Variants in GTF3C4 observed in about 807,000 individuals in gnomAD.
GTF3C4 encodes the protein general transcription factor IIIC subunit 4.
A neutral mutation model predicts 67.5 loss-of-function variants in GTF3C4; 28 were observed. The observed-to-expected ratio is 0.41, with a 90% CI of 0.31 to 0.57. The LOEUF is 0.57. GTF3C4 is among the 20% of genes least tolerant of loss of function. GTF3C4 has a pLI of 0.21. For missense variants in GTF3C4, 831 were observed against 1,033.2 expected (o/e 0.80, Z 2.68); for synonymous variants, 409 against 393.0 (o/e 1.04, Z -0.48).
At chr9:132,672,247 A>G (rs1418769305) in intron 1 of GTF3C4, among the ~76,000 whole-genome samples, 3 of 152,236 alleles carry the variant, frequency 2.0e-5, no homozygotes, top group Admixed American at 2.0e-4. Flanking sequence ...ACTGTTTCCA[A>G]GGATGTTCAT....
chr9:132,675,013 C>G (rs1564354379), intron 1 of GTF3C4, among the ~76,000 whole-genome samples: 2 of 151,870 alleles, frequency 1.3e-5, no homozygotes, highest in African/African-American at 4.8e-5. Flanking sequence ...GCCAGGGTGA[C>G]AGAGAGGAAT....
At chr9:132,676,336 T>A (rs2130895357) in intron 1 of GTF3C4, among the ~76,000 whole-genome samples, 1 of 151,220 alleles carries the variant, frequency 6.6e-6, no homozygotes, top group South Asian at 2.1e-4. Flanking sequence ...TTTTTTTTTT[T>A]TTTGCAAAGC....
chr9:132,682,516 T>C (rs1023261407), intron 2 of GTF3C4, among the ~76,000 whole-genome samples: 2 of 141,310 alleles, frequency 1.4e-5, no homozygotes, highest in African/African-American at 5.7e-5. Flanking sequence ...CCAAATTACA[T>C]ATCCAGTGAA....
intron 2 of GTF3C4, among the ~76,000 whole-genome samples, chr9:132,681,200 T>C (rs1421025665): frequency 4.6e-5 from 7 of 152,238 alleles, no homozygotes; most frequent in African/African-American, 1.7e-4. Context: ...TTAGGTTTAT[T>C]ATAAGAGTCA....
At chr9:132,670,998 C>A (rs1195987560) in intron 1 of GTF3C4, 43 bp downstream of exon 1, 2 of 1,346,784 alleles carry the variant, frequency 1.5e-6, no homozygotes. Flanking sequence ...CCCTGTCCCC[C>A]TCTCGCGGCC....
In GTF3C4 at chr9:132,692,001, T is replaced by G. The variant is rs2772006; in HGVS notation, c.*3056T>G. 72,572 of 152,086 alleles carry G rather than the reference T, an allele frequency of 0.48. 18,060 individuals carry two copies. The highest frequency in any genetic ancestry group is 0.61 in the African/African-American group (25,428 of 41,490). The allele number at this position is 152,086 out of a possible 1,614,324, so 9.4% of individuals were successfully genotyped here. On this transcript the variant is annotated 3_prime_UTR_variant, in exon 5 of 5. Transcript: ENST00000372146. ...GATGCTTATTGGTGCTTAAGAGAAT[T>G]ACAATACTGGTTTTATGAGCATCTT...
upstream of GTF3C4, chr9:132,670,428 G>A: frequency 2.0e-6 from 2 of 991,518 alleles, no homozygotes; most frequent in African/African-American, 1.7e-5. Context: ...TTGGCCACCT[G>A]GTAGGGCCGC....
At position 132,694,060 on chromosome 9, in the gene GTF3C4, CT is replaced by C. The variant is rs1836159425; in HGVS notation, c.*5120del. 6.6e-6 allele frequency: 1 copy of C among 151,636 alleles called. No homozygotes were observed. The highest frequency in any genetic ancestry group is 1.5e-5 in the Non-Finnish European group (1 of 67,946). 9.4% of individuals were successfully genotyped at this position (151,636 alleles called of 1,614,324 possible). A position where few individuals can be genotyped will look rare whatever the true frequency, so the allele number is the denominator to read the frequency against. On this transcript the variant is annotated 3_prime_UTR_variant, in exon 5 of 5. Coordinates refer to ENST00000372146, the MANE Select transcript of GTF3C4 (RefSeq NM_012204.4). Reference sequence around the variant, plus strand: ...AACATAAGGTTTTGGAAAGGAGATGCTTTTTCAATTCTTACCATCTGATTAG... The same window carrying C: ...AACATAAGGTTTTGGAAAGGAGATGCTTTTCAATTCTTACCATCTGATTAG...
At chr9:132,670,380 C>A (rs1374402785), upstream of GTF3C4, 9 of 1,211,126 alleles carry the variant, frequency 7.4e-6, no homozygotes, top group African/African-American at 9.7e-5. Flanking sequence ...GTCCTCGGGG[C>A]TCCCCGCTCG....
Position 132,670,566 on chromosome 9 carries a change from G to T in GTF3C4, c.-33G>T. ...AGGTGGTCGCGCGACTGCGTGGAGC[G>T]CCAGGGCGTCCGACCTCTGCACCTG... On this transcript the variant is annotated 5_prime_UTR_variant, in exon 1 of 5. Transcript: ENST00000372146. 7.3e-7 allele frequency: 1 copy of T among 1,373,364 alleles called. No homozygotes were observed. Among genetic ancestry groups the T allele is most frequent in the Non-Finnish European group, 9.5e-7 (1 of 1,052,216 alleles). 85.1% of individuals were successfully genotyped at this position (1,373,364 alleles called of 1,614,324 possible).
chr9:132,683,742 T>A (rs755523082), intron 3 of GTF3C4, 49 bp downstream of exon 3: 1 of 1,557,190 alleles, frequency 6.4e-7, no homozygotes. Context: ...CAGTTTTGTG[T>A]AGCACAAACT....
intron 2 of GTF3C4, among the ~76,000 whole-genome samples, chr9:132,682,519 C>A (rs1835960895): frequency 7.3e-6 from 1 of 137,212 alleles, no homozygotes; most frequent in South Asian, 2.2e-4. Flanking sequence ...AATTACATAT[C>A]CAGTGAAGTT....
Position 132,670,491 on chromosome 9 carries a change from G to A in GTF3C4, c.-108G>A, listed in dbSNP as rs1056060390. On this transcript the variant is annotated 5_prime_UTR_variant, in exon 1 of 5. Coordinates refer to ENST00000372146, the MANE Select transcript of GTF3C4 (RefSeq NM_012204.4). Reference sequence around the variant, plus strand: ...TGGCTCGGCGGCGCTCGGGGCCTGAGGGGAGAAAACCGCCGCGGAGGGCGC... The same window carrying A: ...TGGCTCGGCGGCGCTCGGGGCCTGAAGGGAGAAAACCGCCGCGGAGGGCGC... 29 of 1,056,556 alleles carry A rather than the reference G, an allele frequency of 2.7e-5. No homozygotes were observed. The African/African-American group carries it at 4.7e-4, about 17-fold the overall frequency. 65.4% of individuals were successfully genotyped at this position (1,056,556 alleles called of 1,614,324 possible).
chr9:132,683,576 A>G lies in GTF3C4; in HGVS notation c.2198A>G (p.His733Arg). 3.1e-6 allele frequency: 5 copies of G among 1,612,456 alleles called. No homozygotes were observed. The highest frequency in any genetic ancestry group is 4.2e-6 in the Non-Finnish European group (5 of 1,179,682). ...DDRTARVLIG[H>R]ISKKMNKQTF... ...TTGTCTTACTAGGTGCTGATTGGAC[A>G]TATCTCAAAGAAGATGAACAAACAG... Residue 733 changes from histidine (H) to arginine (R), a missense_variant, in exon 3 of 5, where the codon CAT (histidine) becomes CGT (arginine). Around this residue, in one of 4 missense-constraint regions of GTF3C4, gnomAD observed 129 missense variants for 213.8 expected, o/e 0.60. Coordinates refer to ENST00000372146, the MANE Select transcript of GTF3C4 (RefSeq NM_012204.4).
At chr9:132,681,115 T>C (rs1207894593) in intron 2 of GTF3C4, among the ~76,000 whole-genome samples, 1 of 152,178 alleles carries the variant, frequency 6.6e-6, no homozygotes, top group Non-Finnish European at 1.5e-5. Context: ...AAAAAGTTAA[T>C]TTTTAAACGT....
chr9:132,683,865 TCAAG>T, intron 3 of GTF3C4, among the ~76,000 whole-genome samples, 172 bp downstream of exon 3: 1 of 152,362 alleles, frequency 6.6e-6, no homozygotes, highest in African/African-American at 2.4e-5. Flanking sequence ...TCAGTGTCAC[TCAAG>T]CAAGTTGGCC....
chr9:132,672,778 AGGCC>A lies in GTF3C4; in HGVS notation c.357+1824_357+1827del, dbSNP rs1835804149. On this transcript the variant is annotated intron_variant, in intron 1 of 4. Coordinates refer to ENST00000372146, the MANE Select transcript of GTF3C4 (RefSeq NM_012204.4). ...AAGAGACTGGGCTTTGGCACAAGAT[AGGCC>A]TATCTATAAAAGGGGGATAATGAAG... is the stretch of plus-strand genomic sequence containing the variant. Among the ~76,000 whole-genome samples, 3 of 152,376 alleles carry A rather than the reference AGGCC, an allele frequency of 2.0e-5. No homozygotes were observed. The South Asian group carries it at 6.2e-4, about 32-fold the overall frequency.
rs921705393 is a variant in GTF3C4, at chr9:132,691,315, G to A, written c.*2370G>A. The A allele has an allele frequency of 2.6e-5, 4 of 152,184 alleles. No individual in the cohort carries two copies. Among genetic ancestry groups the A allele is most frequent in the African/African-American group, 9.7e-5 (4 of 41,428 alleles). The allele number at this position is 152,184 out of a possible 1,614,324, so 9.4% of individuals were successfully genotyped here. A position where few individuals can be genotyped will look rare whatever the true frequency, so the allele number is the denominator to read the frequency against. On this transcript the variant is annotated 3_prime_UTR_variant, in exon 5 of 5. Coordinates refer to ENST00000372146, the MANE Select transcript of GTF3C4 (RefSeq NM_012204.4). ...GGAGTGTGTTGCTCAGTGCAACCTT[G>A]GAAAAGTGGGAATGGCACCAGACGT...
chr9:132,689,055 A>G lies in GTF3C4; in HGVS notation c.*110A>G. The stretch of plus-strand genomic sequence containing the variant: ...GGAAGCCGGACCCTCACGAGTGGAG[A>G]GAAGTCCTTGGTGATTGTAAAGAGG... On this transcript the variant is annotated 3_prime_UTR_variant, in exon 5 of 5. Coordinates refer to ENST00000372146, the MANE Select transcript of GTF3C4 (RefSeq NM_012204.4). 2.5e-6 allele frequency: 2 copies of G among 788,086 alleles called. No individual in the cohort carries two copies. Among genetic ancestry groups the G allele is most frequent in the Non-Finnish European group, 4.4e-6 (2 of 457,430 alleles). 48.8% of individuals were successfully genotyped at this position (788,086 alleles called of 1,614,324 possible).
Sources: gnomAD v4.1 joint callset for allele counts (sites outside exome capture counted in the v4.1 genomes callset) on GRCh38, gnomAD v4.1.1 for gene constraint, gnomAD v4.1.1 regional missense constraint, MANE v1.5 for transcripts, NCBI Gene and HGNC (gene_info 2026-07-23, HGNC 2026-07-21) for gene names.